Variants in WDR49 observed in about 807,000 individuals in gnomAD.
WDR49 encodes the protein WD repeat domain 49.
A neutral mutation model predicts 119.5 loss-of-function variants in WDR49; 107 were observed. The observed-to-expected ratio is 0.90, with a 90% CI of 0.77 to 1.05. WDR49 has a LOEUF of 1.05. Ranked by LOEUF, WDR49 falls within the 50% of genes least tolerant of loss-of-function variation. The probability of loss-of-function intolerance (pLI) is 0.00; values close to 1 mark genes in which losing one functional copy is unlikely to be tolerated. For missense variants in WDR49, 1,240 were observed against 1,220.5 expected, an observed-to-expected ratio of 1.02 and a Z score of -0.24; for synonymous variants, 425 against 418.8, an observed-to-expected ratio of 1.01 and a Z score of -0.18.
chr3:167,627,031 TG>T lies in WDR49; in HGVS notation c.426del (p.Ile143PhefsTer4). ...LEFLPVKHKD[T>X]IQKVIFLKNS... ...TTTTTTAAGAAAATTACTTTTTGAA[TG>T]GTGTCCTTGTGTTTTACTGGGAGGA... On this transcript the variant is annotated frameshift_variant, in exon 3 of 19. Coordinates refer to ENST00000682715, the MANE Select transcript of WDR49 (RefSeq NM_001366157.1). LOFTEE classifies it high-confidence loss of function. 7.5e-7 allele frequency: 1 copy of T among 1,328,992 alleles called. No homozygotes were observed. Among genetic ancestry groups the T allele is most frequent in the Non-Finnish European group, 9.6e-7 (1 of 1,041,332 alleles). The allele number at this position is 1,328,992 out of a possible 1,614,324, so 82.3% of individuals were successfully genotyped here. A position where few individuals can be genotyped will look rare whatever the true frequency, so the allele number is the denominator to read the frequency against.
intron 8 of WDR49, among the ~76,000 whole-genome samples, chr3:167,569,324 G>A (rs181102318): frequency 5.9e-5 from 9 of 152,192 alleles, no homozygotes; most frequent in African/African-American, 1.7e-4. Context: ...GTCTGTGTTT[G>A]AATACGTAAG....
chr3:167,560,373 T>C, intron 8 of WDR49, 145 bp from the exon 9 acceptor site: 1 of 814,860 alleles, frequency 1.2e-6, no homozygotes, highest in Non-Finnish European at 1.9e-6. Flanking sequence ...TTTCTTTCTA[T>C]TAAGCTGATA....
chr3:167,596,549 G>A (rs868078235), intron 7 of WDR49, among the ~76,000 whole-genome samples: 2,520 of 150,280 alleles, frequency 0.017, 58 homozygotes, highest in African/African-American at 0.055. Context: ...CATAAAAAAT[G>A]ATGAGTTCAT....
intron 10 of WDR49, among the ~76,000 whole-genome samples, chr3:167,540,539 G>A (rs527422010): frequency 1.3e-5 from 2 of 152,268 alleles, no homozygotes; most frequent in African/African-American, 4.8e-5. Flanking sequence ...TGGGACAAAA[G>A]AGTCTGAACA....
intron 7 of WDR49, among the ~76,000 whole-genome samples, chr3:167,586,259 A>AG (rs35590715): frequency 0.39 from 59,278 of 151,926 alleles, 14,192 homozygotes; most frequent in African/African-American, 0.69. Context: ...TCCATCAGAG[A>AG]GTTTGACATA....
chr3:167,490,880 G>A (rs1560247329), intron 18 of WDR49, among the ~76,000 whole-genome samples: 1 of 151,676 alleles, frequency 6.6e-6, no homozygotes, highest in Non-Finnish European at 1.5e-5. Flanking sequence ...AAATTGGACT[G>A]GTCTGCTACC....
intron 7 of WDR49, among the ~76,000 whole-genome samples, chr3:167,590,532 G>A (rs1434000163): frequency 6.6e-6 from 1 of 151,958 alleles, no homozygotes. Flanking sequence ...CTTGGGTCCT[G>A]GGCTTTTTGT....
At chr3:167,583,005 G>C (rs1222861720) in intron 7 of WDR49, among the ~76,000 whole-genome samples, 1 of 150,766 alleles carries the variant, frequency 6.6e-6, no homozygotes, top group East Asian at 2.0e-4. Flanking sequence ...GAGAGAGAAA[G>C]AGAGAGAGAG....
In WDR49 at chr3:167,482,552, G is replaced by A. The variant is rs560923403; in HGVS notation, c.3032-3556C>T. Among the ~76,000 whole-genome samples the A allele has an allele frequency of 8.6e-5, 13 of 151,490 alleles. 1 individual carries two copies. The South Asian group carries it at 1.7e-3, about 20-fold the overall frequency. The stretch of plus-strand genomic sequence containing the variant: ...AAATTAGTCGGGCCTGGTGGTGGGC[G>A]CCTGTGGTCCCAGCTACTCGGGAGG... On this transcript the variant is annotated intron_variant, in intron 18 of 18. Coordinates refer to ENST00000682715, the MANE Select transcript of WDR49 (RefSeq NM_001366157.1).
chr3:167,584,208 A>C (rs1454094249), intron 7 of WDR49, among the ~76,000 whole-genome samples: 1 of 152,154 alleles, frequency 6.6e-6, no homozygotes, highest in Non-Finnish European at 1.5e-5. Context: ...CAACCTCAAG[A>C]AAGTCAAGAA....
intron 2 of WDR49, among the ~76,000 whole-genome samples, chr3:167,646,249 T>C: frequency 6.6e-6 from 1 of 152,124 alleles, no homozygotes; most frequent in South Asian, 2.1e-4. Context: ...AGGATTCCCC[T>C]GAAAGGAATA....
chr3:167,590,020 G>T (rs889900408), intron 7 of WDR49, among the ~76,000 whole-genome samples: 4 of 151,976 alleles, frequency 2.6e-5, no homozygotes, highest in Non-Finnish European at 4.4e-5. Flanking sequence ...ATTTCAATAC[G>T]ATATTAGCTG....
intron 8 of WDR49, among the ~76,000 whole-genome samples, chr3:167,561,503 A>T (rs552957490): frequency 7.9e-5 from 12 of 152,242 alleles, no homozygotes; most frequent in Non-Finnish European, 1.2e-4. Context: ...CAAGAAACAG[A>T]TAAATGCTAA....
intron 7 of WDR49, among the ~76,000 whole-genome samples, chr3:167,599,637 A>G (rs183653159): frequency 2.2e-3 from 335 of 152,240 alleles, no homozygotes; most frequent in Non-Finnish European, 3.9e-3. Flanking sequence ...GCTTTTCTCA[A>G]ATAGAAGTGT....
At position 167,563,353 on chromosome 3, in the gene WDR49, CAAAAAAA is replaced by C. The variant is rs61247447; in HGVS notation, c.1510-3132_1510-3126del. ...TGGGCTACAGAGCGAGATTCTGAAT[CAAAAAAA>C]AAAAAAAAAAAAAAAAAGAAAGAAA... On this transcript the variant is annotated intron_variant, in intron 8 of 18. Coordinates refer to ENST00000682715, the MANE Select transcript of WDR49 (RefSeq NM_001366157.1). Among the ~76,000 whole-genome samples, 46 of 55,892 alleles carry C rather than the reference CAAAAAAA, an allele frequency of 8.2e-4. 1 individual carries two copies. The highest frequency in any genetic ancestry group is 4.7e-3 in the Admixed American group (22 of 4,694). 36.7% of individuals were successfully genotyped at this position (55,892 alleles called of 152,430 possible). A position where few individuals can be genotyped will look rare whatever the true frequency, so the allele number is the denominator to read the frequency against.
At position 167,629,954 on chromosome 3, in the gene WDR49, C is replaced by T. The variant is rs116738020; in HGVS notation, c.166-2662G>A. On this transcript the variant is annotated intron_variant, in intron 2 of 18. Transcript: ENST00000682715. ...TGTTTCTTGAGATGGAATCTATTCC[C>T]GTTGAAGATGCTATACACATGGTTG... Among the ~76,000 whole-genome samples, 1,002 of 152,084 alleles carry T rather than the reference C, an allele frequency of 6.6e-3. 10 individuals carry two copies. The highest frequency in any genetic ancestry group is 0.01 in the Middle Eastern group (3 of 292).
At chr3:167,526,354 C>T (rs1020665190) in intron 15 of WDR49, among the ~76,000 whole-genome samples, 24 of 152,096 alleles carry the variant, frequency 1.6e-4, no homozygotes, top group Admixed American at 6.6e-5. Flanking sequence ...TTTCTTGGTT[C>T]GACCCCGGAT....
At chr3:167,481,468 G>T (rs2108186661) in intron 18 of WDR49, among the ~76,000 whole-genome samples, 1 of 151,450 alleles carries the variant, frequency 6.6e-6, no homozygotes, top group African/African-American at 2.4e-5. Flanking sequence ...ATATAGAAAT[G>T]AGAAAAAATA....
intron 15 of WDR49, among the ~76,000 whole-genome samples, chr3:167,525,481 G>A (rs75286141): frequency 1.9e-3 from 288 of 151,984 alleles, no homozygotes; most frequent in Middle Eastern, 0.014. Context: ...GTTTAAATGT[G>A]GGCAACTAAA....
Sources: allele counts gnomAD v4.1 joint callset (sites outside exome capture counted in the v4.1 genomes callset), GRCh38; gene constraint gnomAD v4.1.1; transcripts MANE v1.5; gene names NCBI Gene and HGNC (gene_info 2026-07-23, HGNC 2026-07-21).